The following DPYD variants were observed in gnomAD, a reference collection of about 807,000 sequenced individuals.
DPYD encodes dihydropyrimidine dehydrogenase [NADP(+)].
DPYD carries 109 observed loss-of-function variants against 116.2 expected under a neutral mutation model. That is an observed-to-expected ratio of 0.94 (90% CI 0.80 to 1.10). The LOEUF (loss-of-function observed/expected upper bound fraction) is 1.10, where lower values mean the gene tolerates loss of function less well. Among genes scored for constraint, DPYD ranks in the 50% least tolerant of loss-of-function variants. The pLI, the probability that DPYD is intolerant of heterozygous loss-of-function variation, is 0.00. For missense variants in DPYD, 1,302 were observed against 1,254.5 expected (o/e 1.04, Z -0.57); for synonymous variants, 440 against 432.0 (o/e 1.02, Z -0.23).
intron 3 of DPYD, among the ~76,000 whole-genome samples, chr1:97,791,166 T>C (rs1266518793): frequency 2.6e-5 from 4 of 152,212 alleles, no homozygotes; most frequent in Non-Finnish European, 4.4e-5. Flanking sequence ...GCTTCCCTTT[T>C]ATTAAATGCT....
chr1:97,626,019 A>AAGGGT (rs1338725746), intron 8 of DPYD, among the ~76,000 whole-genome samples: 1 of 152,036 alleles, frequency 6.6e-6, no homozygotes, highest in East Asian at 1.9e-4. Flanking sequence ...TTCAAATATC[A>AAGGGT]AGGGTAGGAA....
At chr1:97,701,255 A>G (rs1298829715) in intron 5 of DPYD, among the ~76,000 whole-genome samples, 1 of 149,568 alleles carries the variant, frequency 6.7e-6, no homozygotes, top group Non-Finnish European at 1.5e-5. Flanking sequence ...CTTTAAGGCA[A>G]GATGCATTAC....
intron 21 of DPYD, among the ~76,000 whole-genome samples, chr1:97,090,410 A>G (rs187780536): frequency 4.6e-5 from 7 of 152,336 alleles, no homozygotes; most frequent in African/African-American, 1.7e-4. Context: ...TGCTTACTCC[A>G]TAATAGCACA....
At chr1:97,686,252 G>C (rs1194055151) in intron 7 of DPYD, among the ~76,000 whole-genome samples, 1 of 152,118 alleles carries the variant, frequency 6.6e-6, no homozygotes, top group Non-Finnish European at 1.5e-5. Flanking sequence ...TTAATAAATG[G>C]TGCTGGGAAA....
chr1:97,485,296 G>A (rs1242077856), intron 13 of DPYD, among the ~76,000 whole-genome samples: 5 of 152,136 alleles, frequency 3.3e-5, no homozygotes, highest in Admixed American at 1.3e-4. Context: ...CCACCTCCCG[G>A]GTTCAAGCAA....
chr1:97,156,297 C>A (rs145284087), intron 20 of DPYD, among the ~76,000 whole-genome samples: 1 of 152,150 alleles, frequency 6.6e-6, no homozygotes, highest in African/African-American at 2.4e-5. Flanking sequence ...AAACTGCATT[C>A]TTTAAAGAAA....
intron 3 of DPYD, among the ~76,000 whole-genome samples, chr1:97,788,950 T>C (rs768807114): frequency 6.6e-6 from 1 of 152,062 alleles, no homozygotes; most frequent in Non-Finnish European, 1.5e-5. Flanking sequence ...ACTACAGGCA[T>C]GCACCACCAT....
At chr1:97,799,396 G>T (rs549701267) in intron 3 of DPYD, among the ~76,000 whole-genome samples, 1 of 151,942 alleles carries the variant, frequency 6.6e-6, no homozygotes, top group South Asian at 2.1e-4. Flanking sequence ...TTTCAAAAAG[G>T]TTACTGAGTA....
chr1:97,229,587 TATAC>T (rs1284547805), intron 19 of DPYD, among the ~76,000 whole-genome samples: 6 of 64,674 alleles, frequency 9.3e-5, no homozygotes, highest in South Asian at 3.3e-4. Flanking sequence ...TATATATATA[TATAC>T]TGATTTTAAT....
At chr1:97,529,310 G>A (rs1186469407) in intron 12 of DPYD, among the ~76,000 whole-genome samples, 1 of 152,014 alleles carries the variant, frequency 6.6e-6, no homozygotes, top group Non-Finnish European at 1.5e-5. Flanking sequence ...TATACGGCAG[G>A]CATTCTGTCC....
chr1:97,583,016 T>C, intron 10 of DPYD, among the ~76,000 whole-genome samples: 1 of 152,162 alleles, frequency 6.6e-6, no homozygotes, highest in East Asian at 1.9e-4. Flanking sequence ...TCGCCCAGGC[T>C]GGAGTGCAGG....
At chr1:97,616,341 T>A (rs1656267098) in intron 8 of DPYD, among the ~76,000 whole-genome samples, 1 of 152,162 alleles carries the variant, frequency 6.6e-6, no homozygotes, top group Non-Finnish European at 1.5e-5. Context: ...CATAAGTGAG[T>A]AAATCATCCC....
At chr1:97,842,349 G>A (rs961364665) in intron 2 of DPYD, among the ~76,000 whole-genome samples, 2 of 151,880 alleles carry the variant, frequency 1.3e-5, no homozygotes, top group Non-Finnish European at 2.9e-5. Context: ...TAAATTGTCA[G>A]TGCATATGTT....
At chr1:97,608,366 C>T (rs1655732642) in intron 8 of DPYD, among the ~76,000 whole-genome samples, 1 of 151,888 alleles carries the variant, frequency 6.6e-6, no homozygotes, top group African/African-American at 2.4e-5. Flanking sequence ...AAGCCCTGAA[C>T]AATGGAGGTG....
rs1655923849 is a variant in DPYD, at chr1:97,161,810, G to A, written c.2622+31259C>T. On this transcript the variant is annotated intron_variant, in intron 20 of 22. Coordinates refer to ENST00000370192, the MANE Select transcript of DPYD (RefSeq NM_000110.4). ...TTGTTCAATTCCCACCTATGAGTGAGAACATGGGGTGTTTGGTTTTTTGTC... is the reference window on the plus strand; with the variant it reads ...TTGTTCAATTCCCACCTATGAGTGAAAACATGGGGTGTTTGGTTTTTTGTC... 2.1e-5 allele frequency among the ~76,000 whole-genome samples: 3 copies of A among 145,754 alleles called. No individual in the cohort carries two copies. The South Asian group carries it at 6.6e-4, about 32-fold the overall frequency.
chr1:97,565,963 T>TA (rs1363748701), intron 11 of DPYD, among the ~76,000 whole-genome samples: 1 of 152,166 alleles, frequency 6.6e-6, no homozygotes, highest in African/African-American at 2.4e-5. Context: ...AAGACATATA[T>TA]TTTTTACAGC....
At chr1:97,119,454 T>C (rs1261675676) in intron 20 of DPYD, among the ~76,000 whole-genome samples, 1 of 151,980 alleles carries the variant, frequency 6.6e-6, no homozygotes, top group Admixed American at 6.6e-5. Flanking sequence ...AGGTGAGCAG[T>C]TAGGATTGTG....
chr1:97,836,462 T>A (rs1470827739), intron 2 of DPYD, among the ~76,000 whole-genome samples: 1 of 152,168 alleles, frequency 6.6e-6, no homozygotes, highest in African/African-American at 2.4e-5. Context: ...GTGCATGATG[T>A]ACTGTAATAA....
At chr1:97,890,864 T>C (rs1280282611) in intron 1 of DPYD, among the ~76,000 whole-genome samples, 3 of 151,974 alleles carry the variant, frequency 2.0e-5, no homozygotes, top group Non-Finnish European at 4.4e-5. Context: ...AGAATAAACA[T>C]TCTGAATGTA....
Sources: allele counts gnomAD v4.1 joint callset (sites outside exome capture counted in the v4.1 genomes callset), GRCh38; gene constraint gnomAD v4.1.1; transcripts MANE v1.5; gene names NCBI Gene and HGNC (gene_info 2026-07-23, HGNC 2026-07-21).